IKZF3: variants seen among roughly 807,000 people sequenced by gnomAD.
IKZF3 encodes the protein zinc finger protein Aiolos.
Under a neutral mutation model 49.0 loss-of-function variants are expected in IKZF3, and 10 were observed. That is an observed-to-expected ratio of 0.20 (90% CI 0.13 to 0.35). The LOEUF (loss-of-function observed/expected upper bound fraction) is 0.35. Ranked by LOEUF, IKZF3 falls within the 10% of genes least tolerant of loss-of-function variation. The pLI is 1.00. For missense variants in IKZF3, 498 were observed against 664.8 expected (o/e 0.75, Z 2.76); for synonymous variants, 209 against 228.2 (o/e 0.92, Z 0.76).
chr17:39,801,135 A>G (rs970881071), intron 3 of IKZF3, among the ~76,000 whole-genome samples: 1 of 152,162 alleles, frequency 6.6e-6, no homozygotes, highest in African/African-American at 2.4e-5. Flanking sequence ...AACAAGATAG[A>G]GGCTGTTAGG....
At chr17:39,830,140 G>C (rs1011887372) in intron 2 of IKZF3, among the ~76,000 whole-genome samples, 7 of 152,154 alleles carry the variant, frequency 4.6e-5, no homozygotes, top group Admixed American at 4.6e-4. Context: ...ACAAAGTAGT[G>C]ACCAGAAATA....
At chr17:39,831,629 T>TA (rs1372129463) in intron 2 of IKZF3, among the ~76,000 whole-genome samples, 1 of 151,918 alleles carries the variant, frequency 6.6e-6, no homozygotes, top group Non-Finnish European at 1.5e-5. Flanking sequence ...GCCCAAGAGG[T>TA]AGGAATGGTT....
chr17:39,798,912 C>T (rs1476143135), intron 3 of IKZF3, among the ~76,000 whole-genome samples: 1 of 152,050 alleles, frequency 6.6e-6, no homozygotes, highest in Non-Finnish European at 1.5e-5. Context: ...TCCTGGGTTA[C>T]TTATGAACTC....
At chr17:39,854,655 A>T (rs757650484) in intron 1 of IKZF3, among the ~76,000 whole-genome samples, 76 of 152,216 alleles carry the variant, frequency 5.0e-4, no homozygotes, top group Non-Finnish European at 9.3e-4. Flanking sequence ...ATAATGGATG[A>T]GTGAGGATTT....
chr17:39,857,628 A>G (rs1795285713), intron 1 of IKZF3, among the ~76,000 whole-genome samples: 1 of 152,232 alleles, frequency 6.6e-6, no homozygotes, highest in Non-Finnish European at 1.5e-5. Context: ...AACCTTTAAC[A>G]GTACCTTTAA....
intron 4 of IKZF3, among the ~76,000 whole-genome samples, chr17:39,792,201 C>A (rs954145849): frequency 2.0e-5 from 3 of 151,982 alleles, no homozygotes; most frequent in African/African-American, 7.3e-5. Context: ...GGCTCAAGTG[C>A]GATGGTTGTG....
At chr17:39,815,078 G>T (rs540486486) in intron 3 of IKZF3, among the ~76,000 whole-genome samples, 1 of 152,240 alleles carries the variant, frequency 6.6e-6, no homozygotes, top group Non-Finnish European at 1.5e-5. Flanking sequence ...AATACAGGGG[G>T]TCAGTAGCCC....
intron 6 of IKZF3, among the ~76,000 whole-genome samples, chr17:39,781,633 G>A (rs912254604): frequency 6.6e-6 from 1 of 152,094 alleles, no homozygotes; most frequent in African/African-American, 2.4e-5. Context: ...ACATTTTACT[G>A]AAGTCAATGT....
intron 3 of IKZF3, 47 bp from the exon 4 acceptor site, chr17:39,792,980 C>T (rs560458674): frequency 1.9e-6 from 3 of 1,585,952 alleles, no homozygotes; most frequent in South Asian, 1.2e-5. Flanking sequence ...ATACTTGAAG[C>T]TATCAAAGCA....
chr17:39,761,057 G>T lies in IKZF3; in HGVS notation c.*4733C>A, dbSNP rs1189741330. On this transcript the variant is annotated 3_prime_UTR_variant, in exon 8 of 8. Coordinates refer to ENST00000346872, the MANE Select transcript of IKZF3 (RefSeq NM_012481.5). The stretch of plus-strand genomic sequence containing the variant: ...AGTCCCAGCTACTTGGGAGGCTGAG[G>T]TAGGAGGATTGTTTGAGCCTAGGAG... 1.3e-5 allele frequency: 2 copies of T among 152,212 alleles called. No individual in the cohort carries two copies. The highest frequency in any genetic ancestry group is 1.3e-4 in the Admixed American group (2 of 15,284). The allele number at this position is 152,212 out of a possible 1,614,324, so 9.4% of individuals were successfully genotyped here.
At chr17:39,805,390 A>G (rs150800388) in intron 3 of IKZF3, among the ~76,000 whole-genome samples, 14 of 152,346 alleles carry the variant, frequency 9.2e-5, no homozygotes, top group Admixed American at 8.5e-4. Flanking sequence ...TGTTATTTCT[A>G]ACTCAAGGTA....
At chr17:39,772,082 G>A (rs950918470) in intron 7 of IKZF3, among the ~76,000 whole-genome samples, 2 of 152,094 alleles carry the variant, frequency 1.3e-5, no homozygotes, top group African/African-American at 4.8e-5. Flanking sequence ...TGTGAGGGAG[G>A]CCATTCAGAC....
intron 3 of IKZF3, among the ~76,000 whole-genome samples, chr17:39,793,447 C>G (rs1252516266): frequency 6.6e-6 from 1 of 152,238 alleles, no homozygotes; most frequent in Non-Finnish European, 1.5e-5. Context: ...TGCATTGCCT[C>G]TTCCCCTTCC....
At chr17:39,857,962 T>TAAAAAAAAAAAAA (rs35840686) in intron 1 of IKZF3, among the ~76,000 whole-genome samples, 1 of 117,098 alleles carries the variant, frequency 8.5e-6, no homozygotes, top group Non-Finnish European at 1.9e-5. Context: ...TCTCAAAAAT[T>TAAAAAAAAAAAAA]AAAAAAAAAA....
chr17:39,782,865 T>C (rs1050083210), intron 6 of IKZF3, among the ~76,000 whole-genome samples: 2 of 152,154 alleles, frequency 1.3e-5, no homozygotes, highest in African/African-American at 2.4e-5. Flanking sequence ...TACTAAATAG[T>C]AGACATACTA....
intron 1 of IKZF3, among the ~76,000 whole-genome samples, chr17:39,859,935 T>C (rs1431459569): frequency 2.6e-5 from 4 of 152,174 alleles, no homozygotes; most frequent in Admixed American, 6.5e-5. Context: ...CCAATTATCA[T>C]TGGACATCTA....
At chr17:39,802,951 T>C (rs188675046) in intron 3 of IKZF3, among the ~76,000 whole-genome samples, 55 of 152,310 alleles carry the variant, frequency 3.6e-4, no homozygotes, top group Admixed American at 7.8e-4. Flanking sequence ...ATAACATTAA[T>C]TTTTGCCTTA....
intron 1 of IKZF3, among the ~76,000 whole-genome samples, chr17:39,861,887 C>T (rs147614792): frequency 2.0e-5 from 3 of 152,182 alleles, no homozygotes; most frequent in African/African-American, 4.8e-5. Flanking sequence ...GCTTATAAAG[C>T]AGGGAGCTGT....
At chr17:39,848,535 C>T (rs1184189528) in intron 1 of IKZF3, among the ~76,000 whole-genome samples, 2 of 152,066 alleles carry the variant, frequency 1.3e-5, no homozygotes, top group African/African-American at 2.4e-5. Context: ...CTGTAAAATG[C>T]CTAGTTTTAT....
Sources: allele counts gnomAD v4.1 joint callset (sites outside exome capture counted in the v4.1 genomes callset), GRCh38; gene constraint gnomAD v4.1.1; transcripts MANE v1.5; gene names NCBI Gene and HGNC (gene_info 2026-07-23, HGNC 2026-07-21).